Variants in EPHA6 observed in about 807,000 individuals in gnomAD.
The protein encoded by EPHA6 is ephrin type-A receptor 6.
A neutral mutation model predicts 112.0 loss-of-function variants in EPHA6; 50 were observed. That is an observed-to-expected ratio of 0.45 (90% confidence interval 0.36 to 0.56). EPHA6 has a LOEUF of 0.56. Among genes scored for constraint, EPHA6 ranks in the 20% least tolerant of loss-of-function variants. The pLI is 0.00. For synonymous variants in EPHA6, 529 were observed against 490.7 expected, an observed-to-expected ratio of 1.08 and a Z score of -1.03; for missense variants, 1,280 against 1,417.4, an observed-to-expected ratio of 0.90 and a Z score of 1.56.
intron 6 of EPHA6, among the ~76,000 whole-genome samples, chr3:97,441,844 T>C (rs1423116399): frequency 6.6e-6 from 1 of 152,118 alleles, no homozygotes; most frequent in Non-Finnish European, 1.5e-5. Context: ...GTTAATTCTC[T>C]CGGAGTTTCT....
At chr3:97,570,343 G>C (rs2093320175) in intron 11 of EPHA6, among the ~76,000 whole-genome samples, 1 of 152,150 alleles carries the variant, frequency 6.6e-6, no homozygotes, top group African/African-American at 2.4e-5. Flanking sequence ...GCAAGTCTAA[G>C]GGCAGAGGCA....
chr3:97,323,996 G>A (rs2082244682), intron 5 of EPHA6, among the ~76,000 whole-genome samples: 1 of 151,800 alleles, frequency 6.6e-6, no homozygotes, highest in East Asian at 1.9e-4. Context: ...AAAAAAAAAT[G>A]CAGCTTCTGT....
intron 4 of EPHA6, among the ~76,000 whole-genome samples, chr3:97,238,497 GA>G (rs1271346428): frequency 1.3e-5 from 2 of 151,788 alleles, no homozygotes; most frequent in African/African-American, 4.8e-5. Flanking sequence ...TTGTGCCTAT[GA>G]AAAAAATTAC....
At chr3:97,135,958 T>C (rs1057023615) in intron 3 of EPHA6, among the ~76,000 whole-genome samples, 1 of 152,064 alleles carries the variant, frequency 6.6e-6, no homozygotes, top group East Asian at 1.9e-4. Flanking sequence ...TTGAAGCCAA[T>C]ATCCATGCTG....
chr3:96,974,164 G>C (rs1461392273), intron 2 of EPHA6, among the ~76,000 whole-genome samples: 1 of 145,062 alleles, frequency 6.9e-6, no homozygotes, highest in Non-Finnish European at 1.5e-5. Flanking sequence ...TATTAAAATT[G>C]TATTACACTT....
At chr3:97,515,926 T>C (rs2107604640) in intron 10 of EPHA6, among the ~76,000 whole-genome samples, 1 of 151,494 alleles carries the variant, frequency 6.6e-6, no homozygotes, top group Non-Finnish European at 1.5e-5. Flanking sequence ...CCTTAACCAC[T>C]GTATGATAAG....
At chr3:97,383,891 T>C (rs1008055767) in intron 5 of EPHA6, among the ~76,000 whole-genome samples, 2 of 152,162 alleles carry the variant, frequency 1.3e-5, no homozygotes, top group Admixed American at 1.3e-4. Flanking sequence ...CCTAAACATC[T>C]AATTTTCTGG....
At chr3:97,434,376 AT>A (rs2089695597) in intron 6 of EPHA6, among the ~76,000 whole-genome samples, 3 of 152,248 alleles carry the variant, frequency 2.0e-5, no homozygotes, top group African/African-American at 7.2e-5. Flanking sequence ...AAGTGTTCAT[AT>A]TAAAAAAAAG....
rs2045127533 is a variant in EPHA6 at position 97,037,057 on chromosome 3, A to T, written c.1114+49064A>T. On this transcript the variant is annotated intron_variant, in intron 3 of 17. Coordinates refer to ENST00000389672, the MANE Select transcript of EPHA6 (RefSeq NM_001080448.3). ...AGGCAAAATGTTTGTTTACTAAAAA[A>T]ATTAAAACTACCGTTGACTTAAAAG... Among the ~76,000 whole-genome samples the T allele has an allele frequency of 2.6e-5, 4 of 152,084 alleles. No individual in the cohort carries two copies. In the South Asian group the frequency reaches 8.3e-4, roughly 31 times the overall value.
At chr3:97,532,025 G>T (rs921603335) in intron 10 of EPHA6, among the ~76,000 whole-genome samples, 1 of 151,986 alleles carries the variant, frequency 6.6e-6, no homozygotes, top group African/African-American at 2.4e-5. Flanking sequence ...TTGAGAACAG[G>T]AACAGAAGAC....
intron 2 of EPHA6, among the ~76,000 whole-genome samples, chr3:96,978,237 GC>G (rs2042610690): frequency 6.6e-6 from 1 of 152,118 alleles, no homozygotes; most frequent in South Asian, 2.1e-4. Context: ...TCATGAAGTG[GC>G]CTTCATCCTT....
At chr3:97,588,179 G>A (rs567896635) in intron 11 of EPHA6, among the ~76,000 whole-genome samples, 12 of 151,860 alleles carry the variant, frequency 7.9e-5, no homozygotes, top group East Asian at 1.9e-4. Context: ...TCTTTCTACC[G>A]CCCATCTTCC....
At chr3:97,674,899 GT>G (rs2031214227) in intron 14 of EPHA6, among the ~76,000 whole-genome samples, 1 of 152,154 alleles carries the variant, frequency 6.6e-6, no homozygotes, top group Admixed American at 6.5e-5. Flanking sequence ...CAGCCAGGAT[GT>G]GGAGTGGGCA....
chr3:97,197,371 G>A (rs35429631), intron 3 of EPHA6, among the ~76,000 whole-genome samples: 20,033 of 151,720 alleles, frequency 0.13, 2,993 homozygotes, highest in African/African-American at 0.34. Context: ...AGGTCCAAGC[G>A]CTCTTTAGTC....
intron 2 of EPHA6, among the ~76,000 whole-genome samples, chr3:96,984,757 C>A (rs779400918): frequency 1.3e-5 from 2 of 152,208 alleles, no homozygotes; most frequent in Non-Finnish European, 2.9e-5. Context: ...CAATGGTGGG[C>A]GTCCCTCCCC....
At chr3:96,957,833 A>G (rs1292617717) in intron 2 of EPHA6, among the ~76,000 whole-genome samples, 1 of 152,194 alleles carries the variant, frequency 6.6e-6, no homozygotes, top group African/African-American at 2.4e-5. Context: ...ATTCAATTAT[A>G]TGACTGTATT....
intron 2 of EPHA6, among the ~76,000 whole-genome samples, chr3:96,937,610 A>G (rs1403101068): frequency 6.6e-6 from 1 of 152,082 alleles, no homozygotes. Flanking sequence ...CTTTAGTTTA[A>G]TTAGATCCAT....
intron 3 of EPHA6, among the ~76,000 whole-genome samples, chr3:97,051,665 G>A (rs1319441822): frequency 1.3e-5 from 2 of 152,100 alleles, no homozygotes; most frequent in African/African-American, 4.8e-5. Flanking sequence ...TACATGATAA[G>A]TGTTGCAGTA....
At chr3:96,915,152 CAT>C (rs1278826884) in intron 2 of EPHA6, among the ~76,000 whole-genome samples, 1 of 151,680 alleles carries the variant, frequency 6.6e-6, no homozygotes, top group African/African-American at 2.4e-5. Flanking sequence ...TAAAGGGAAA[CAT>C]GGGAAAAGAA....
Sources: gnomAD v4.1 joint callset for allele counts (sites outside exome capture counted in the v4.1 genomes callset) on GRCh38, gnomAD v4.1.1 for gene constraint, MANE v1.5 for transcripts, NCBI Gene and HGNC (gene_info 2026-07-23, HGNC 2026-07-21) for gene names.